Variants in ZNF775 observed in about 807,000 individuals in gnomAD.
The protein encoded by ZNF775 is zinc finger protein 775.
A neutral mutation model predicts 2.4 loss-of-function variants in ZNF775; 1 was observed. The ratio of observed to expected loss-of-function variants is 0.41; its 90% CI spans 0.15 to 1.94. The LOEUF (loss-of-function observed/expected upper bound fraction) is 1.94. Ranked by LOEUF, ZNF775 falls within the 30% of genes most tolerant of loss-of-function variation. The pLI is 0.30. For missense variants in ZNF775, 823 were observed against 826.6 expected (o/e 1.00, Z 0.05); for synonymous variants, 381 against 373.3 (o/e 1.02, Z -0.24).
Position 150,398,127 on chromosome 7 carries a change from C to T in ZNF775, c.*32C>T. The stretch of plus-strand genomic sequence containing the variant: ...GGACCTCAGCGGACCCGTGGTGGTG[C>T]GGGGGATGTTTGCGGGGTGTGTGTG... On this transcript the variant is annotated 3_prime_UTR_variant, in exon 3 of 3. Coordinates refer to ENST00000329630, the MANE Select transcript of ZNF775 (RefSeq NM_173680.4). The T allele has an allele frequency of 2.0e-6, 3 of 1,533,420 alleles. No homozygotes were observed. The highest frequency in any genetic ancestry group is 2.6e-6 in the Non-Finnish European group (3 of 1,145,478). The allele number at this position is 1,533,420 out of a possible 1,614,324, so 95.0% of individuals were successfully genotyped here.
At chr7:150,389,841 G>A (rs1385950328) in intron 2 of ZNF775, among the ~76,000 whole-genome samples, 2 of 150,338 alleles carry the variant, frequency 1.3e-5, no homozygotes, top group African/African-American at 4.9e-5. Flanking sequence ...CCTCTTTTAA[G>A]CAACTTTTAA....
At chr7:150,391,706 C>CTTTTTTTTTTTTTTTTTTT (rs535705895) in intron 2 of ZNF775, among the ~76,000 whole-genome samples, 2 of 73,598 alleles carry the variant, frequency 2.7e-5, no homozygotes, top group Non-Finnish European at 5.1e-5. Context: ...TCCTTTCTTT[C>CTTTTTTTTTTTTTTTTTTT]TTTTTTTTTT....
chr7:150,388,342 A>AT, intron 1 of ZNF775, 80 bp from the exon 2 acceptor site: 1 of 1,078,376 alleles, frequency 9.3e-7, no homozygotes, highest in Middle Eastern at 2.3e-4. Flanking sequence ...GCTTTATGGG[A>AT]TGGGAGGGGG....
intron 2 of ZNF775, among the ~76,000 whole-genome samples, chr7:150,391,022 C>T (rs6464061): frequency 0.013 from 1,934 of 152,316 alleles, 41 homozygotes; most frequent in African/African-American, 0.043. Flanking sequence ...AAAGATGCTA[C>T]ACTTTTAGTT....
At chr7:150,394,593 CAA>C (rs1356452600) in intron 2 of ZNF775, among the ~76,000 whole-genome samples, 1 of 152,028 alleles carries the variant, frequency 6.6e-6, no homozygotes, top group East Asian at 1.9e-4. Context: ...CATTCTTTGT[CAA>C]CTTAGTTTCC....
chr7:150,385,375 T>C (rs1800431498), intron 1 of ZNF775, among the ~76,000 whole-genome samples: 1 of 152,188 alleles, frequency 6.6e-6, no homozygotes. Context: ...CAGAATGTGG[T>C]GCGCACCATG....
In ZNF775 at chr7:150,398,029, C is replaced by T; in HGVS notation, c.1548C>T (p.His516=). 6.3e-7 allele frequency: 1 copy of T among 1,578,586 alleles called. No homozygotes were observed. Among genetic ancestry groups the T allele is most frequent in the Non-Finnish European group, 8.6e-7 (1 of 1,167,824 alleles). Residue 516 remains histidine, a synonymous_variant, in exon 3 of 3, where the codon CAC becomes CAT. Coordinates refer to ENST00000329630, the MANE Select transcript of ZNF775 (RefSeq NM_173680.4). ...ACGRGFSQKQ[H]LLKHQRVHRA... is the part of the protein sequence containing the mutation. ...GCCGCGGCTTCAGCCAGAAGCAGCA[C>T]CTGCTCAAGCACCAGCGCGTGCACC...
At position 150,396,728 on chromosome 7, in the gene ZNF775, G is replaced by A. The variant is rs749944741; in HGVS notation, c.247G>A (p.Gly83Arg). 6.3e-7 allele frequency: 1 copy of A among 1,594,268 alleles called. No individual in the cohort carries two copies. Among genetic ancestry groups the A allele is most frequent in the African/African-American group, 1.3e-5 (1 of 74,816 alleles). ...RWAPPTEQDA[G>R]LAGRAPGSAS... ...GGCCCCTCCCACTGAGCAGGATGCG[G>A]GGCTGGCAGGCCGGGCTCCCGGGTC... The change falls in exon 3 of 3, where the codon GGG becomes AGG. Residue 83 changes from glycine (G) to arginine (R), a missense_variant. Gly to Arg is a moderately radical substitution (Grantham distance 125). Coordinates refer to ENST00000329630, the MANE Select transcript of ZNF775 (RefSeq NM_173680.4).
At position 150,384,852 on chromosome 7, in the gene ZNF775, T is replaced by C. The variant is rs1294613400; in HGVS notation, c.-49-3570T>C. On this transcript the variant is annotated intron_variant, in intron 1 of 2. Transcript: ENST00000329630. The surrounding 1 kb of genome is among the most constrained non-coding windows in gnomAD (Gnocchi z 4.1). ...ACCTGGAGTGGCTGTTAGGTCCTAA[T>C]ACCTCTTGGGAGGCAGGGTGGGTGA... 1.3e-5 allele frequency among the ~76,000 whole-genome samples: 2 copies of C among 152,146 alleles called. No homozygotes were observed. The highest frequency in any genetic ancestry group is 2.9e-5 in the Non-Finnish European group (2 of 68,014).
At chr7:150,387,961 C>T (rs964164746) in intron 1 of ZNF775, among the ~76,000 whole-genome samples, 3 of 152,082 alleles carry the variant, frequency 2.0e-5, no homozygotes, top group Admixed American at 6.5e-5. Flanking sequence ...AAAGAGGGGG[C>T]GGGTGACGGA....
intron 2 of ZNF775, among the ~76,000 whole-genome samples, chr7:150,393,360 C>T (rs902415621): frequency 2.0e-5 from 3 of 152,210 alleles, no homozygotes; most frequent in Non-Finnish European, 2.9e-5. Flanking sequence ...CGGAGTTATC[C>T]ATTCACCCAC....
chr7:150,386,536 T>G (rs6972875), intron 1 of ZNF775, among the ~76,000 whole-genome samples: 10,298 of 151,610 alleles, frequency 0.068, 501 homozygotes, highest in East Asian at 0.21. Flanking sequence ...GGAGAGGGAG[T>G]CTGGGTCTCT....
rs1054627776 is a variant in ZNF775, at chr7:150,382,088, A to T, written c.-50+2696A>T. 3.3e-5 allele frequency among the ~76,000 whole-genome samples: 5 copies of T among 151,890 alleles called. No homozygotes were observed. Among genetic ancestry groups the T allele is most frequent in the African/African-American group, 1.2e-4 (5 of 41,322 alleles). On this transcript the variant is annotated intron_variant, in intron 1 of 2. Coordinates refer to ENST00000329630, the MANE Select transcript of ZNF775 (RefSeq NM_173680.4). This position sits in a 1 kb window ranked among gnomAD's most constrained non-coding sequence, Gnocchi z 4.6. Reference sequence around the variant, plus strand: ...ACCTCTGGGAGGGGCATGCAGAACCACCCTGGTAAGTGGAGGGCTCTGCAG... The same window carrying T: ...ACCTCTGGGAGGGGCATGCAGAACCTCCCTGGTAAGTGGAGGGCTCTGCAG...
chr7:150,395,540 T>C (rs1477044255), intron 2 of ZNF775, among the ~76,000 whole-genome samples: 1 of 152,242 alleles, frequency 6.6e-6, no homozygotes, highest in Non-Finnish European at 1.5e-5. Context: ...TCAGAGCCCA[T>C]GCTGCCTTCC....
At chr7:150,379,444 G>A (rs1374118135) in intron 1 of ZNF775, 52 bp downstream of exon 1, 1 of 152,204 alleles carries the variant, frequency 6.6e-6, no homozygotes, top group Non-Finnish European at 1.5e-5. Flanking sequence ...TTTGGGCGGG[G>A]AGGGGCGGTG....
chr7:150,383,702 C>T (rs1476015700), intron 1 of ZNF775: 1 of 152,396 alleles, frequency 6.6e-6, no homozygotes, highest in Admixed American at 6.5e-5. Context: ...GGGCCTGATA[C>T]TGGGCCTTTG....
At chr7:150,393,125 G>A (rs1224453331) in intron 2 of ZNF775, among the ~76,000 whole-genome samples, 2 of 151,540 alleles carry the variant, frequency 1.3e-5, no homozygotes, top group African/African-American at 4.9e-5. Flanking sequence ...AGTTCCCTGT[G>A]CTCCGTCTGT....
rs1399174132 is a variant in ZNF775, at chr7:150,396,763, C to T, written c.282C>T (p.Gly94=). Residue 94 remains glycine (G), a synonymous_variant, in exon 3 of 3, where the codon GGC becomes GGT. Transcript: ENST00000329630. ...GCCGGGCTCCCGGGTCAGCCTCCGG[C>T]CCCCTGAGCCCCTCGCTTTCCTCCG... is the stretch of plus-strand genomic sequence containing the variant. ...LAGRAPGSAS[G]PLSPSLSSGE... The T allele has an allele frequency of 6.3e-7, 1 of 1,589,348 alleles. No homozygotes were observed. Among genetic ancestry groups the T allele is most frequent in the African/African-American group, 1.3e-5 (1 of 74,532 alleles).
chr7:150,387,042 A>G (rs553454555), intron 1 of ZNF775, among the ~76,000 whole-genome samples: 2 of 152,294 alleles, frequency 1.3e-5, no homozygotes, highest in African/African-American at 4.8e-5. Flanking sequence ...CACGCCTGTA[A>G]TCCCAGCACT....
Sources: allele counts gnomAD v4.1 joint callset (sites outside exome capture counted in the v4.1 genomes callset), GRCh38; gene constraint gnomAD v4.1.1; non-coding constraint Gnocchi (gnomAD v3.1); transcripts MANE v1.5; gene names NCBI Gene and HGNC (gene_info 2026-07-23, HGNC 2026-07-21).